Variants in POLN observed in about 807,000 individuals in gnomAD.
POLN encodes the protein DNA polymerase N.
Under a neutral mutation model 113.5 loss-of-function variants are expected in POLN, and 108 were observed. The observed-to-expected ratio is 0.95, with a 90% confidence interval of 0.81 to 1.12. The LOEUF (loss-of-function observed/expected upper bound fraction) is 1.12, where lower values mean the gene tolerates loss of function less well. POLN is among the 50% of genes most tolerant of loss of function. The pLI, the probability that POLN is intolerant of heterozygous loss-of-function variation, is 0.00. For missense variants in POLN, 1,097 were observed against 1,077.1 expected (o/e 1.02, Z -0.26); for synonymous variants, 386 against 391.5 (o/e 0.99, Z 0.17).
intron 4 of POLN, among the ~76,000 whole-genome samples, chr4:2,210,900 GAC>G (rs1733977151): frequency 1.3e-5 from 2 of 148,314 alleles, no homozygotes; most frequent in South Asian, 4.2e-4. Flanking sequence ...CTGCCTTGGT[GAC>G]AGAGACTCCA....
chr4:2,174,754 G>C lies in POLN; in HGVS notation c.1249-3C>G. 2 of 1,586,210 alleles carry C rather than the reference G, an allele frequency of 1.3e-6. No homozygotes were observed. The highest frequency in any genetic ancestry group is 1.7e-6 in the Non-Finnish European group (2 of 1,157,918). ...AATAGTTGCCATAAACCATAATCCT[G>C]TTTAATAGGAAGAAATAACATCAAC... is the stretch of plus-strand genomic sequence containing the variant. On this transcript the variant is annotated splice_region_variant and splice_polypyrimidine_tract_variant and intron_variant, in intron 9 of 25. Transcript: ENST00000511885.
At chr4:2,117,275 C>A (rs558437759) in intron 19 of POLN, among the ~76,000 whole-genome samples, 1 of 152,314 alleles carries the variant, frequency 6.6e-6, no homozygotes, top group Admixed American at 6.5e-5. Context: ...ACGTGGCTAA[C>A]CCTGAGTCAG....
chr4:2,203,377 C>T (rs1441179894), intron 5 of POLN, among the ~76,000 whole-genome samples: 3 of 151,660 alleles, frequency 2.0e-5, no homozygotes, highest in Non-Finnish European at 4.4e-5. Flanking sequence ...GTCAGGAGAT[C>T]GAGACCATCC....
At chr4:2,239,076 G>A in intron 2 of POLN, 1 of 1,149,286 alleles carries the variant, frequency 8.7e-7, no homozygotes, top group Non-Finnish European at 1.2e-6. Context: ...ATTTCAAACT[G>A]TATGCCTAAA....
chr4:2,241,017 A>G, intron 2 of POLN: 1 of 1,217,452 alleles, frequency 8.2e-7, no homozygotes, highest in East Asian at 2.4e-5. Context: ...AATAAATCCA[A>G]GCAGAAAAAA....
At chr4:2,080,831 A>G (rs1577679118) in intron 23 of POLN, 127 bp downstream of exon 23, 1 of 1,563,480 alleles carries the variant, frequency 6.4e-7, no homozygotes. Context: ...ATGGGCTGAG[A>G]GCCTCAGGAG....
chr4:2,180,649 A>C (rs1733115720), intron 7 of POLN, among the ~76,000 whole-genome samples: 1 of 152,206 alleles, frequency 6.6e-6, no homozygotes, highest in Admixed American at 6.5e-5. Context: ...ATGCGGACTG[A>C]CCCAATAGGA....
intron 5 of POLN, among the ~76,000 whole-genome samples, chr4:2,205,099 A>G (rs1360403672): frequency 6.6e-6 from 1 of 152,190 alleles, no homozygotes; most frequent in African/African-American, 2.4e-5. Context: ...GAGCAATCAG[A>G]CAAAAGAAAG....
rs1001487087 is a variant in POLN at position 2,240,721 on chromosome 4, C to T, written c.-13+799G>A. ...CACGTTTTAAGAGCTTCATCCAATG[C>T]CGCCCCTTCTAGAATAGGCTTGCCT... On this transcript the variant is annotated intron_variant, in intron 2 of 25. Transcript: ENST00000511885. The T allele has an allele frequency of 6.2e-7, 1 of 1,614,008 alleles. No homozygotes were observed. The highest frequency in any genetic ancestry group is 2.2e-5 in the East Asian group (1 of 44,874).
rs1488141165 is a variant in POLN at position 2,072,103 on chromosome 4, GT to G, written c.*10del. ...TGGAAACCAGTTCTCTCCTCCCACT[GT>G]TGCCTGGGGCTACAGACAAAATGAA... On this transcript the variant is annotated 3_prime_UTR_variant, in exon 26 of 26. Transcript: ENST00000511885. 1 of 1,612,680 alleles carries G rather than the reference GT, an allele frequency of 6.2e-7. No individual in the cohort carries two copies. Among genetic ancestry groups the G allele is most frequent in the East Asian group, 2.2e-5 (1 of 44,852 alleles).
intron 3 of POLN, among the ~76,000 whole-genome samples, chr4:2,223,293 G>A (rs1238497245): frequency 6.6e-6 from 1 of 152,164 alleles, no homozygotes; most frequent in Non-Finnish European, 1.5e-5. Context: ...TAGTCTGCTA[G>A]GAACAAGGCC....
chr4:2,184,117 G>A (rs983076618), intron 7 of POLN, among the ~76,000 whole-genome samples: 11 of 149,552 alleles, frequency 7.4e-5, no homozygotes, highest in African/African-American at 2.7e-4. Flanking sequence ...GCCTCCCAAA[G>A]TGCTGGGATT....
chr4:2,235,163 C>T lies in POLN; in HGVS notation c.-12-5920G>A, dbSNP rs1208247480. Among the ~76,000 whole-genome samples the T allele has an allele frequency of 2.6e-5, 4 of 152,216 alleles. No individual in the cohort carries two copies. In the East Asian group the frequency reaches 5.8e-4, roughly 22 times the overall value. On this transcript the variant is annotated intron_variant, in intron 2 of 25. Transcript: ENST00000511885. ...CCTCCCAAAGTGCTGGGATTATAGG[C>T]GTGAGCCACCGCACCCAGCCTATGT...
chr4:2,181,782 C>T (rs1418387025), intron 7 of POLN, among the ~76,000 whole-genome samples: 3 of 151,866 alleles, frequency 2.0e-5, no homozygotes, highest in Admixed American at 2.0e-4. Flanking sequence ...AGGCAGATCA[C>T]GAGGTCAGGA....
intron 7 of POLN, among the ~76,000 whole-genome samples, chr4:2,186,799 T>C (rs1733286611): frequency 6.6e-6 from 1 of 152,212 alleles, no homozygotes; most frequent in Admixed American, 6.5e-5. Flanking sequence ...CTTAACAGGA[T>C]GGCGACAGTG....
At chr4:2,103,029 C>A (rs939123134) in intron 19 of POLN, among the ~76,000 whole-genome samples, 1 of 152,122 alleles carries the variant, frequency 6.6e-6, no homozygotes, top group African/African-American at 2.4e-5. Flanking sequence ...TAGTATGACA[C>A]CCTCAAAGGA....
Position 2,128,205 on chromosome 4 carries a change from G to A in POLN, c.1890C>T (p.Arg630=). The stretch of plus-strand genomic sequence containing the variant: ...GATCTCCAGATAAATGTGTAAGAAT[G>A]CGCAATTCAATCTGTGAAAAGTCTG... The part of the protein sequence containing the change: ...LAADFSQIEL[R]ILTHLSGDPE... The change falls in exon 19 of 26, where the codon CGC becomes CGT. Residue 630 remains arginine (R), a synonymous_variant. Transcript: ENST00000511885. 1 of 1,609,240 alleles carries A rather than the reference G, an allele frequency of 6.2e-7. No individual in the cohort carries two copies.
intron 5 of POLN, among the ~76,000 whole-genome samples, chr4:2,200,379 C>T (rs188233129): frequency 2.0e-5 from 3 of 152,256 alleles, no homozygotes; most frequent in East Asian, 1.9e-4. Flanking sequence ...AGGCTTGCAT[C>T]GTGAACTTTT....
At chr4:2,229,375 T>C (rs1734495924) in intron 2 of POLN, 132 bp from the exon 3 acceptor site, 3 of 710,176 alleles carry the variant, frequency 4.2e-6, no homozygotes, top group Non-Finnish European at 6.4e-6. Flanking sequence ...CCACAGAAAA[T>C]AGGCATCAAT....
Sources: gnomAD v4.1 joint callset for allele counts (sites outside exome capture counted in the v4.1 genomes callset) on GRCh38, gnomAD v4.1.1 for gene constraint, MANE v1.5 for transcripts, NCBI Gene and HGNC (gene_info 2026-07-23, HGNC 2026-07-21) for gene names.